Variants in LIPF observed in about 807,000 individuals in gnomAD.
LIPF encodes the protein gastric triacylglycerol lipase.
In LIPF, 25 loss-of-function variants were observed where a neutral mutation model predicts 38.0. That is an observed-to-expected ratio of 0.66 (90% CI 0.48 to 0.92). LIPF has a LOEUF of 0.92. Ranked by LOEUF, LIPF falls within the 40% of genes least tolerant of loss-of-function variation. LIPF has a pLI of 0.00. For synonymous variants in LIPF, 161 were observed against 156.2 expected, an observed-to-expected ratio of 1.03 and a Z score of -0.23; for missense variants, 410 against 469.9, an observed-to-expected ratio of 0.87 and a Z score of 1.18.
chr10:88,669,542 T>G lies in LIPF; in HGVS notation c.423-295T>G, dbSNP rs976175839. On this transcript the variant is annotated intron_variant, in intron 4 of 9. Transcript: ENST00000238983. ...ATATTAAATGACATGGAACACAGCA[T>G]ACACATTATTATTAAATCTGACATT... 19 of 238,870 alleles carry G rather than the reference T, an allele frequency of 8.0e-5. No homozygotes were observed. The East Asian group carries it at 1.4e-3, about 18-fold the overall frequency. The allele number at this position is 238,870 out of a possible 1,614,324, so 14.8% of individuals were successfully genotyped here. A position where few individuals can be genotyped will look rare whatever the true frequency, so the allele number is the denominator to read the frequency against.
rs980177609 is a variant in LIPF at position 88,672,081 on chromosome 10, T to C, written c.669+116T>C. On this transcript the variant is annotated intron_variant, in intron 6 of 9. Coordinates refer to ENST00000238983, the MANE Select transcript of LIPF (RefSeq NM_004190.4). ...GAACAATCATTTTTATATCCAAAAATGGAACTGTTCGCATCTGTATTATTT... is the reference window on the plus strand; with the variant it reads ...GAACAATCATTTTTATATCCAAAAACGGAACTGTTCGCATCTGTATTATTT... 5.9e-6 allele frequency: 6 copies of C among 1,019,674 alleles called. No individual in the cohort carries two copies. In the African/African-American group the frequency reaches 8.2e-5, roughly 14 times the overall value. 63.2% of individuals were successfully genotyped at this position (1,019,674 alleles called of 1,614,324 possible).
In LIPF at chr10:88,669,817, T is replaced by C; in HGVS notation, c.423-20T>C. On this transcript the variant is annotated intron_variant, in intron 4 of 9. Transcript: ENST00000238983. The stretch of plus-strand genomic sequence containing the variant: ...TAGCAAGGAAATGTATTCACTTTCA[T>C]TTTGTCTTTTTCCTTTCAGCTTTGA... 1 of 1,515,332 alleles carries C rather than the reference T, an allele frequency of 6.6e-7. No individual in the cohort carries two copies. The highest frequency in any genetic ancestry group is 9.1e-7 in the Non-Finnish European group (1 of 1,093,786). The allele number at this position is 1,515,332 out of a possible 1,614,324, so 93.9% of individuals were successfully genotyped here.
At position 88,678,559 on chromosome 10, in the gene LIPF, C is replaced by T. The variant is rs1455701272; in HGVS notation, c.1075C>T (p.Pro359Ser). The T allele has an allele frequency of 1.2e-5, 19 of 1,613,860 alleles. No homozygotes were observed. In the African/African-American group the frequency reaches 1.7e-4, roughly 15 times the overall value. Residue 359 changes from proline (P) to serine (S), a missense_variant, in exon 10 of 10, where the codon CCC becomes TCC. Physicochemically the swap from Pro to Ser is moderately conservative, Grantham distance 74 (BLOSUM62 -1). Transcript: ENST00000238983. ...QDVGLLLPKL[P>S]NLIYHKEIPF... is the part of the protein sequence containing the mutation. ...TGTTGGCCTTTTGCTTCCAAAACTC[C>T]CCAATCTTATTTACCACAAGGAGAT...
intron 5 of LIPF, among the ~76,000 whole-genome samples, chr10:88,670,223 C>A (rs943894869): frequency 6.6e-6 from 1 of 152,110 alleles, no homozygotes; most frequent in Non-Finnish European, 1.5e-5. Context: ...CAGCCACTGA[C>A]CTAAGTTTAT....
chr10:88,666,745 G>A (rs954681349), intron 1 of LIPF, among the ~76,000 whole-genome samples: 2 of 152,154 alleles, frequency 1.3e-5, no homozygotes, highest in Admixed American at 1.3e-4. Context: ...AGCTACCCTG[G>A]AAGCAGAGGT....
intron 5 of LIPF, among the ~76,000 whole-genome samples, chr10:88,670,213 C>T (rs1441624816): frequency 1.3e-5 from 2 of 152,194 alleles, no homozygotes; most frequent in Non-Finnish European, 2.9e-5. Flanking sequence ...TTATACCATA[C>T]AGCCACTGAC....
intron 6 of LIPF, 96 bp from the exon 7 acceptor site, chr10:88,673,492 A>T: frequency 1.1e-6 from 1 of 892,948 alleles, no homozygotes; most frequent in South Asian, 1.7e-5. Context: ...ATATATCATC[A>T]TCCTCATCAC....
At chr10:88,667,478 AT>A (rs1192691340) in intron 2 of LIPF, 76 bp downstream of exon 2, 3 of 1,046,202 alleles carry the variant, frequency 2.9e-6, no homozygotes, top group Non-Finnish European at 4.3e-6. Context: ...TAAAGATTTT[AT>A]ATGACCAATT....
At chr10:88,669,536 A>T (rs1314359435) in intron 4 of LIPF, 1 of 205,420 alleles carries the variant, frequency 4.9e-6, no homozygotes, top group Non-Finnish European at 9.9e-6. Context: ...GACATGGAAC[A>T]CAGCATACAC....
chr10:88,672,664 A>ACTCTCTCTCT (rs1397216884), intron 6 of LIPF, among the ~76,000 whole-genome samples: 19 of 123,260 alleles, frequency 1.5e-4, no homozygotes, highest in African/African-American at 4.1e-4. Flanking sequence ...ACACACACAC[A>ACTCTCTCTCT]CACACACTCT....
chr10:88,676,271 C>A lies in LIPF; in HGVS notation c.951C>A (p.His317Gln). 1 of 1,598,172 alleles carries A rather than the reference C, an allele frequency of 6.3e-7. No homozygotes were observed. Among genetic ancestry groups the A allele is most frequent in the Non-Finnish European group, 8.6e-7 (1 of 1,168,408 alleles). The change falls in exon 9 of 10, where the codon CAC becomes CAA. Residue 317 changes from histidine to glutamine, a missense_variant. His to Gln is a conservative substitution (Grantham distance 24, BLOSUM62 0). Transcript: ENST00000238983. The part of the protein sequence containing the change: ...DWGSPVQNRM[H>Q]YDQSQPPYYN... ...GAAGCCCAGTTCAGAATAGGATGCA[C>A]TATGATCAGGTAAGCTTCTTAAAGA...
intron 3 of LIPF, 128 bp downstream of exon 3, chr10:88,667,814 T>G: frequency 1.7e-6 from 1 of 576,156 alleles, no homozygotes; most frequent in African/African-American, 1.9e-5. Flanking sequence ...CTCCTTTTAT[T>G]TCTTGCTAAA....
At position 88,669,933 on chromosome 10, in the gene LIPF, G is replaced by A. The variant is rs775951772; in HGVS notation, c.519G>A (p.Gln173=). The change falls in exon 5 of 10, where the codon CAG becomes CAA. Residue 173 remains glutamine (Q), a synonymous_variant. Coordinates refer to ENST00000238983, the MANE Select transcript of LIPF (RefSeq NM_004190.4). ...QKQLHYVGHS[Q]GTTIGFIAFS... is the part of the protein sequence containing the mutation. ...AGCTACACTATGTTGGCCATTCCCA[G>A]GGCACCACCATTGGTAAGTAATGGC... The A allele has an allele frequency of 6.2e-7, 1 of 1,609,276 alleles. No individual in the cohort carries two copies. Among genetic ancestry groups the A allele is most frequent in the East Asian group, 2.2e-5 (1 of 44,810 alleles).
chr10:88,668,488 G>A, intron 3 of LIPF, 70 bp from the exon 4 acceptor site: 1 of 1,378,642 alleles, frequency 7.3e-7, no homozygotes, highest in Non-Finnish European at 1.0e-6. Flanking sequence ...ATGGAAGACT[G>A]TTTCTAGCCT....
intron 5 of LIPF, 71 bp downstream of exon 5, chr10:88,670,017 GT>G: frequency 1.1e-6 from 1 of 908,810 alleles, no homozygotes; most frequent in Non-Finnish European, 1.8e-6. Context: ...TGGTAGGCAT[GT>G]TAGCAACCAC....
chr10:88,673,079 A>G (rs544412046), intron 6 of LIPF, among the ~76,000 whole-genome samples: 2 of 152,260 alleles, frequency 1.3e-5, no homozygotes, highest in East Asian at 3.9e-4. Context: ...CCTCGTGTAT[A>G]AAATAGAGAT....
At position 88,675,630 on chromosome 10, in the gene LIPF, T is replaced by C; in HGVS notation, c.861T>C (p.Ser287=). 1.9e-6 allele frequency: 3 copies of C among 1,603,070 alleles called. No individual in the cohort carries two copies. The highest frequency in any genetic ancestry group is 2.3e-5 in the East Asian group (1 of 44,380). ...TATCACATAATCCAGCAGGAACTTC[T>C]GTTCAAAACATGTTCCATTGGACCC... The part of the protein sequence containing the change: ...VYLSHNPAGT[S]VQNMFHWTQA... The change falls in exon 8 of 10, where the codon TCT becomes TCC. Residue 287 remains serine (S), a synonymous_variant. Transcript: ENST00000238983.
In LIPF at chr10:88,671,875, A is replaced by G. The variant is rs781021466; in HGVS notation, c.579A>G (p.Lys193=). 2 of 1,613,230 alleles carry G rather than the reference A, an allele frequency of 1.2e-6. No individual in the cohort carries two copies. The highest frequency in any genetic ancestry group is 1.3e-5 in the African/African-American group (1 of 75,026). ...STNPSLAKRI[K]TFYALAPVAT... The stretch of plus-strand genomic sequence containing the variant: ...ATCCCAGCCTGGCTAAAAGAATCAA[A>G]ACCTTCTATGCTCTAGCTCCTGTTG... Residue 193 remains lysine (K), a synonymous_variant, in exon 6 of 10, where the codon AAA becomes AAG. Coordinates refer to ENST00000238983, the MANE Select transcript of LIPF (RefSeq NM_004190.4).
intron 9 of LIPF, 39 bp from the exon 10 acceptor site, chr10:88,678,406 G>A (rs1841719908): frequency 7.0e-7 from 1 of 1,422,550 alleles, no homozygotes; most frequent in Admixed American, 1.7e-5. Flanking sequence ...TTTAAAGTGT[G>A]GTTACCTAAA....
Sources: gnomAD v4.1 joint callset for allele counts (sites outside exome capture counted in the v4.1 genomes callset) on GRCh38, gnomAD v4.1.1 for gene constraint, MANE v1.5 for transcripts, NCBI Gene and HGNC (gene_info 2026-07-23, HGNC 2026-07-21) for gene names.